Variants in ADD3 observed in about 807,000 individuals in gnomAD.
ADD3 encodes adducin 3, also known as gamma-adducin.
ADD3 carries 25 observed loss-of-function variants against 80.2 expected under a neutral mutation model. That is an observed-to-expected ratio of 0.31 (90% CI 0.23 to 0.44). The LOEUF is 0.44. ADD3 is among the 20% of genes least tolerant of loss of function. The pLI, the probability that ADD3 is intolerant of heterozygous loss-of-function variation, is 1.00. For missense variants in ADD3, 829 were observed against 847.5 expected (o/e 0.98, Z 0.27); for synonymous variants, 284 against 289.6 (o/e 0.98, Z 0.20).
intron 1 of ADD3, among the ~76,000 whole-genome samples, chr10:110,018,747 G>A (rs74154958): frequency 0.011 from 1,610 of 152,174 alleles, 32 homozygotes; most frequent in African/African-American, 0.038. Context: ...GCCACTATAA[G>A]GCATTTAACA....
intron 1 of ADD3, among the ~76,000 whole-genome samples, chr10:110,018,325 C>G (rs1044771152): frequency 1.3e-5 from 2 of 151,378 alleles, no homozygotes; most frequent in Non-Finnish European, 2.9e-5. Flanking sequence ...GTCAGGAGTT[C>G]GAGACCAGCA....
chr10:110,084,736 G>A (rs549065764), intron 1 of ADD3, among the ~76,000 whole-genome samples: 1 of 152,200 alleles, frequency 6.6e-6, no homozygotes, highest in African/African-American at 2.4e-5. Flanking sequence ...GGTAATATCA[G>A]GGAAAACAAC....
Position 110,090,873 on chromosome 10 carries a change from A to G in ADD3, c.-29-9752A>G, listed in dbSNP as rs190443154. 1.7e-4 allele frequency among the ~76,000 whole-genome samples: 26 copies of G among 152,106 alleles called. No homozygotes were observed. In the East Asian group the frequency reaches 4.6e-3, roughly 27 times the overall value. On this transcript the variant is annotated intron_variant, in intron 1 of 14. Transcript: ENST00000356080. ...GTTTTTTCCCTTGACTTTAAGTTGG[A>G]TTTTAAACTAAGGCTCAGTCCTAAC...
At chr10:110,041,111 G>A (rs76235250) in intron 1 of ADD3, among the ~76,000 whole-genome samples, 2,194 of 152,248 alleles carry the variant, frequency 0.014, 31 homozygotes, top group South Asian at 0.022. Flanking sequence ...ATAAGAGTTT[G>A]ATTTTTCAAC....
intron 12 of ADD3, among the ~76,000 whole-genome samples, chr10:110,127,389 C>T (rs1326555080): frequency 2.0e-5 from 3 of 152,094 alleles, no homozygotes; most frequent in African/African-American, 7.2e-5. Context: ...GAGGCCGAGG[C>T]GGGCAGATCA....
At chr10:110,119,763 C>G in intron 8 of ADD3, 199 bp downstream of exon 8, 1 of 514,954 alleles carries the variant, frequency 1.9e-6, no homozygotes, top group Non-Finnish European at 3.4e-6. Context: ...AAAATTTTCT[C>G]ACACACAATC....
At chr10:110,017,910 G>GA (rs1389142263) in intron 1 of ADD3, among the ~76,000 whole-genome samples, 2 of 152,158 alleles carry the variant, frequency 1.3e-5, no homozygotes, top group African/African-American at 4.8e-5. Context: ...AAAGGTTGGG[G>GA]ATCATTGTTT....
intron 4 of ADD3, 137 bp from the exon 5 acceptor site, chr10:110,117,205 A>G (rs1850847944): frequency 3.7e-6 from 2 of 547,718 alleles, no homozygotes; most frequent in South Asian, 5.4e-5. Context: ...TTCATGTTGT[A>G]GACCTTTAAT....
At position 110,100,772 on chromosome 10, in the gene ADD3, A is replaced by G; in HGVS notation, c.119A>G (p.Asn40Ser). 6.2e-7 allele frequency: 1 copy of G among 1,613,992 alleles called. No individual in the cohort carries two copies. Among genetic ancestry groups the G allele is most frequent in the Non-Finnish European group, 8.5e-7 (1 of 1,179,930 alleles). The change falls in exon 2 of 15, where the codon AAC becomes AGC. Residue 40 changes from asparagine to serine, a missense_variant. Asn to Ser is a conservative substitution (Grantham distance 46, BLOSUM62 1). Transcript: ENST00000356080. ...GACCCAGAATACATTAGGGAGAGGAACATGTCTCCTGATCTACGACAAGAC... is the reference window on the plus strand; with the variant it reads ...GACCCAGAATACATTAGGGAGAGGAGCATGTCTCCTGATCTACGACAAGAC... ...ENDPEYIRER[N>S]MSPDLRQDFN...
At chr10:110,032,428 TAAG>T (rs1474267227) in intron 1 of ADD3, among the ~76,000 whole-genome samples, 2 of 151,820 alleles carry the variant, frequency 1.3e-5, no homozygotes, top group African/African-American at 2.4e-5. Context: ...TTTGGAAAGA[TAAG>T]GAGAGAAAAG....
chr10:110,119,252 G>C lies in ADD3; in HGVS notation c.759G>C (p.Glu253Asp). ...GTGGGATCCTTCCAATTTCTCAAGA[G>C]TCTCTTCTTCTGGGAGATGTTGCCT... ...MKCGILPISQ[E>D]SLLLGDVAYY... Residue 253 changes from glutamate (E) to aspartate (D), a missense_variant, in exon 7 of 15, where the codon GAG (glutamate) becomes GAC (aspartate). By Grantham distance (45) the Glu-to-Asp change is conservative (BLOSUM62 2). Transcript: ENST00000356080. The C allele has an allele frequency of 6.2e-7, 1 of 1,614,138 alleles. No individual in the cohort carries two copies. Among genetic ancestry groups the C allele is most frequent in the Non-Finnish European group, 8.5e-7 (1 of 1,180,008 alleles).
intron 1 of ADD3, among the ~76,000 whole-genome samples, chr10:110,030,863 A>G (rs889575926): frequency 1.3e-5 from 2 of 151,608 alleles, no homozygotes; most frequent in African/African-American, 4.8e-5. Context: ...AGCAACCTCT[A>G]CTCCTTCTCT....
chr10:110,014,724 T>C (rs1158717192), intron 1 of ADD3, among the ~76,000 whole-genome samples: 2 of 150,936 alleles, frequency 1.3e-5, no homozygotes, highest in African/African-American at 4.9e-5. Context: ...ATGGGGTTTC[T>C]CCATGTTGGT....
At chr10:110,035,949 G>A (rs781044251) in intron 1 of ADD3, among the ~76,000 whole-genome samples, 4 of 151,996 alleles carry the variant, frequency 2.6e-5, no homozygotes, top group South Asian at 2.1e-4. Context: ...TCAGGAGTTC[G>A]AGACCAGCCT....
intron 1 of ADD3, among the ~76,000 whole-genome samples, chr10:110,092,755 T>G (rs142089863): frequency 0.023 from 3,505 of 152,278 alleles, 55 homozygotes; most frequent in Middle Eastern, 0.054. Context: ...GTTGTATACT[T>G]TAAATAAATA....
In ADD3 at chr10:110,133,547, A is replaced by C. The variant is rs773423879; in HGVS notation, c.2050A>C (p.Lys684Gln). 1 of 1,611,816 alleles carries C rather than the reference A, an allele frequency of 6.2e-7. No homozygotes were observed. The highest frequency in any genetic ancestry group is 1.1e-5 in the South Asian group (1 of 90,202). The change falls in exon 15 of 15, where the codon AAG (lysine) becomes CAG (glutamine). Residue 684 changes from lysine to glutamine, a missense_variant. Physicochemically the swap from Lys to Gln is moderately conservative, Grantham distance 53. Coordinates refer to ENST00000356080, the MANE Select transcript of ADD3 (RefSeq NM_016824.5). ...PEGSPSKSPS[K>Q]KKKKFRTPSF... is the part of the protein sequence containing the mutation. ...AGGCTCCCCTTCAAAATCGCCATCCAAGAAAAAGAAGAAATTCCGCACTCC... is the reference window on the plus strand; with the variant it reads ...AGGCTCCCCTTCAAAATCGCCATCCCAGAAAAAGAAGAAATTCCGCACTCC...
intron 2 of ADD3, among the ~76,000 whole-genome samples, chr10:110,102,969 T>C (rs1395098931): frequency 6.6e-6 from 1 of 152,228 alleles, no homozygotes; most frequent in Non-Finnish European, 1.5e-5. Context: ...AAACGCATAG[T>C]GTATCATTTC....
chr10:110,009,946 C>T (rs1369466844), intron 1 of ADD3, among the ~76,000 whole-genome samples: 1 of 152,182 alleles, frequency 6.6e-6, no homozygotes, highest in African/African-American at 2.4e-5. Context: ...TCATATGACA[C>T]TTGGGAAATA....
chr10:110,070,993 G>A (rs1187756664), intron 1 of ADD3, among the ~76,000 whole-genome samples: 1 of 50,026 alleles, frequency 2.0e-5, no homozygotes, highest in Admixed American at 2.9e-4. Flanking sequence ...GGGGGGGGGG[G>A]TGGGGAGCCA....
Sources: allele counts gnomAD v4.1 joint callset (sites outside exome capture counted in the v4.1 genomes callset), GRCh38; gene constraint gnomAD v4.1.1; transcripts MANE v1.5; gene names NCBI Gene and HGNC (gene_info 2026-07-23, HGNC 2026-07-21).